Variants in ANKRD44 observed in about 807,000 individuals in gnomAD.
ANKRD44 encodes serine/threonine-protein phosphatase 6 regulatory ankyrin repeat subunit B.
In ANKRD44, 35 loss-of-function variants were observed where a neutral mutation model predicts 116.0. The ratio of observed to expected loss-of-function variants is 0.30; its 90% confidence interval spans 0.23 to 0.40. The LOEUF (loss-of-function observed/expected upper bound fraction) is 0.40. Among genes scored for constraint, ANKRD44 ranks in the 10% least tolerant of loss-of-function variants. The probability of loss-of-function intolerance (pLI) is 1.00; values close to 1 mark genes in which losing one functional copy is unlikely to be tolerated. For synonymous variants in ANKRD44, 435 were observed against 461.8 expected (o/e 0.94, Z 0.74); for missense variants, 1,014 against 1,242.6 (o/e 0.82, Z 2.77).
chr2:197,038,371 T>C (rs1465148725), intron 16 of ANKRD44, among the ~76,000 whole-genome samples: 1 of 151,806 alleles, frequency 6.6e-6, no homozygotes, highest in Non-Finnish European at 1.5e-5. Flanking sequence ...AACCAACCAA[T>C]CAATCAGCAA....
At chr2:197,151,911 C>T (rs752759822) in intron 2 of ANKRD44, among the ~76,000 whole-genome samples, 2 of 152,054 alleles carry the variant, frequency 1.3e-5, no homozygotes, top group Non-Finnish European at 2.9e-5. Flanking sequence ...CATCCATATC[C>T]GAACTGGCCT....
Position 196,989,341 on chromosome 2 carries a change from T to C in ANKRD44, c.*250A>G, listed in dbSNP as rs1244812195. 7.6e-6 allele frequency: 8 copies of C among 1,050,284 alleles called. No homozygotes were observed. The African/African-American group carries it at 8.5e-5, about 11-fold the overall frequency. The allele number at this position is 1,050,284 out of a possible 1,614,324, so 65.1% of individuals were successfully genotyped here. A position where few individuals can be genotyped will look rare whatever the true frequency, so the allele number is the denominator to read the frequency against. ...AATGTTAAGTGGTCAACTAGAAATC[T>C]GTGTCCTAAGAAATATAAAATACAA... is the stretch of plus-strand genomic sequence containing the variant. On this transcript the variant is annotated 3_prime_UTR_variant, in exon 28 of 28. Transcript: ENST00000282272.
intron 16 of ANKRD44, among the ~76,000 whole-genome samples, chr2:197,074,900 A>G (rs562054569): frequency 1.3e-5 from 2 of 152,310 alleles, no homozygotes; most frequent in African/African-American, 2.4e-5. Context: ...TGAAAGCAGC[A>G]TAATTTTAGT....
At chr2:197,141,664 A>T (rs2950817) in intron 3 of ANKRD44, among the ~76,000 whole-genome samples, 139,769 of 152,004 alleles carry the variant, frequency 0.92, 64,726 homozygotes, top group East Asian at 1. Context: ...TCAGTGTTTA[A>T]GTCCTCCATT....
chr2:197,218,245 C>A (rs2081496375), intron 1 of ANKRD44, among the ~76,000 whole-genome samples: 1 of 152,146 alleles, frequency 6.6e-6, no homozygotes, highest in South Asian at 2.1e-4. Flanking sequence ...TGAGATTATT[C>A]TTCTCCAACA....
At chr2:197,272,946 A>G (rs976710988) in intron 1 of ANKRD44, among the ~76,000 whole-genome samples, 22 of 152,374 alleles carry the variant, frequency 1.4e-4, no homozygotes, top group African/African-American at 4.6e-4. Context: ...ATAAATAACT[A>G]TATATTAAGT....
intron 16 of ANKRD44, among the ~76,000 whole-genome samples, chr2:197,068,104 C>T (rs1166100759): frequency 3.3e-5 from 4 of 119,960 alleles, no homozygotes; most frequent in African/African-American, 9.6e-5. Flanking sequence ...AGTAAACTAT[C>T]GCAAGAACAA....
At chr2:197,259,676 G>C (rs1173813838) in intron 1 of ANKRD44, among the ~76,000 whole-genome samples, 1 of 152,200 alleles carries the variant, frequency 6.6e-6, no homozygotes, top group Non-Finnish European at 1.5e-5. Context: ...CAACGTGCCA[G>C]GTGCTGAGCT....
intron 1 of ANKRD44, among the ~76,000 whole-genome samples, chr2:197,210,473 C>A (rs1458883041): frequency 6.6e-6 from 1 of 152,174 alleles, no homozygotes. Flanking sequence ...TCTCTGACGC[C>A]AAAGCTTGTT....
chr2:197,234,889 T>G (rs905909683), intron 1 of ANKRD44, among the ~76,000 whole-genome samples: 4 of 152,282 alleles, frequency 2.6e-5, no homozygotes, highest in East Asian at 1.9e-4. Context: ...GTGATAAGCA[T>G]GAAAACAGGG....
rs776194020 is a variant in ANKRD44 at position 197,008,955 on chromosome 2, A to G, written c.2001T>C (p.Asp667=). The part of the protein sequence containing the change: ...ADNPEAVDVK[D]AKGQTPLMLA... Reference sequence around the variant, plus strand: ...GTGAGCGCACTTACTGTCCTTTGGCATCTTTCACATCGACCGCCTCCGGGT... The same window carrying G: ...GTGAGCGCACTTACTGTCCTTTGGCGTCTTTCACATCGACCGCCTCCGGGT... Residue 667 remains aspartate, a synonymous_variant, in exon 19 of 28, where the codon GAT becomes GAC. Transcript: ENST00000282272. 6.2e-7 allele frequency: 1 copy of G among 1,614,118 alleles called. No homozygotes were observed. Among genetic ancestry groups the G allele is most frequent in the Admixed American group, 1.7e-5 (1 of 60,028 alleles).
chr2:196,991,350 A>G (rs2075912243), intron 27 of ANKRD44, among the ~76,000 whole-genome samples: 1 of 152,200 alleles, frequency 6.6e-6, no homozygotes, highest in African/African-American at 2.4e-5. Context: ...AAGGACTCTC[A>G]TTCTGAGAAC....
At chr2:197,165,607 T>C (rs1015261406) in intron 2 of ANKRD44, among the ~76,000 whole-genome samples, 4 of 152,214 alleles carry the variant, frequency 2.6e-5, no homozygotes, top group Non-Finnish European at 5.9e-5. Context: ...GAAAATGCTG[T>C]TCCATGTCTA....
At chr2:197,011,948 T>C (rs185283241) in intron 18 of ANKRD44, among the ~76,000 whole-genome samples, 2 of 152,320 alleles carry the variant, frequency 1.3e-5, no homozygotes, top group East Asian at 3.9e-4. Context: ...TTCCTATGAG[T>C]GACAACCATT....
At chr2:197,284,040 A>G (rs547725511) in intron 1 of ANKRD44, among the ~76,000 whole-genome samples, 1 of 152,342 alleles carries the variant, frequency 6.6e-6, no homozygotes, top group East Asian at 1.9e-4. Context: ...GGATCTATCT[A>G]TGAATAGGGT....
rs902667431 is a variant in ANKRD44, at chr2:196,986,980, T to G, written c.*2611A>C. On this transcript the variant is annotated 3_prime_UTR_variant, in exon 28 of 28. Coordinates refer to ENST00000282272, the MANE Select transcript of ANKRD44 (RefSeq NM_001195144.2). The stretch of plus-strand genomic sequence containing the variant: ...AAATATGTTATGCAAAATATAACAC[T>G]GGCACCAGATTTGTATCATCGTGCT... The G allele has an allele frequency of 5.8e-5, 57 of 985,308 alleles. No homozygotes were observed. In the Admixed American group the frequency reaches 8.0e-4, roughly 14 times the overall value. 61.0% of individuals were successfully genotyped at this position (985,308 alleles called of 1,614,324 possible).
At chr2:197,141,987 A>T (rs1349616476) in intron 3 of ANKRD44, among the ~76,000 whole-genome samples, 1 of 152,268 alleles carries the variant, frequency 6.6e-6, no homozygotes, top group Non-Finnish European at 1.5e-5. Flanking sequence ...TGAAGGACAC[A>T]GTCTGCATGT....
intron 1 of ANKRD44, among the ~76,000 whole-genome samples, chr2:197,292,356 T>A (rs1205573446): frequency 6.6e-6 from 1 of 152,226 alleles, no homozygotes; most frequent in Admixed American, 6.5e-5. Context: ...GACTTTTTAA[T>A]GATCGCCATT....
intron 2 of ANKRD44, among the ~76,000 whole-genome samples, chr2:197,151,291 G>A (rs77025094): frequency 0.062 from 9,403 of 152,216 alleles, 370 homozygotes; most frequent in Middle Eastern, 0.088. Flanking sequence ...TAAGACTCAC[G>A]TGGAAACGTT....
Sources: allele counts gnomAD v4.1 joint callset (sites outside exome capture counted in the v4.1 genomes callset), GRCh38; gene constraint gnomAD v4.1.1; transcripts MANE v1.5; gene names NCBI Gene and HGNC (gene_info 2026-07-23, HGNC 2026-07-21).